The following OTUD4 variants were observed in gnomAD, a reference collection of about 807,000 sequenced individuals.
The protein encoded by OTUD4 is OTU domain-containing protein 4.
Under a neutral mutation model 130.4 loss-of-function variants are expected in OTUD4, and 24 were observed. That is an observed-to-expected ratio of 0.18 (90% CI 0.13 to 0.26). The LOEUF (loss-of-function observed/expected upper bound fraction) is 0.26. Ranked by LOEUF, OTUD4 falls within the 10% of genes least tolerant of loss-of-function variation. The pLI is 1.00. For missense variants in OTUD4, 1,031 were observed against 1,329.4 expected, an observed-to-expected ratio of 0.78 and a Z score of 3.49; for synonymous variants, 420 against 472.5, an observed-to-expected ratio of 0.89 and a Z score of 1.44.
chr4:145,137,127 T>C lies in OTUD4; in HGVS notation c.*303A>G. 1 of 236,776 alleles carries C rather than the reference T, an allele frequency of 4.2e-6. No individual in the cohort carries two copies. The highest frequency in any genetic ancestry group is 8.2e-6 in the Non-Finnish European group (1 of 122,622). The allele number at this position is 236,776 out of a possible 1,614,324, so 14.7% of individuals were successfully genotyped here. A position where few individuals can be genotyped will look rare whatever the true frequency, so the allele number is the denominator to read the frequency against. On this transcript the variant is annotated 3_prime_UTR_variant, in exon 21 of 21. Transcript: ENST00000447906. The stretch of plus-strand genomic sequence containing the variant: ...AAGGAAAAAAGCCAAACACTAAATC[T>C]ATAATGTTTTATATTAAGCTGTTTA...
chr4:145,144,443 T>G lies in OTUD4; in HGVS notation c.1423-9A>C. On this transcript the variant is annotated splice_polypyrimidine_tract_variant and intron_variant, in intron 14 of 20. Coordinates refer to ENST00000447906, the MANE Select transcript of OTUD4 (RefSeq NM_001366057.1). ...TGATTGACTGATGAGCTCTTTAAAA[T>G]GAACAAAACCCAACATTTTGTGTTA... is the stretch of plus-strand genomic sequence containing the variant. 4 of 1,606,384 alleles carry G rather than the reference T, an allele frequency of 2.5e-6. No homozygotes were observed. The highest frequency in any genetic ancestry group is 3.4e-6 in the Non-Finnish European group (4 of 1,177,190).
intron 19 of OTUD4, 24 bp downstream of exon 19, chr4:145,141,355 T>G: frequency 6.4e-7 from 1 of 1,555,994 alleles, no homozygotes; most frequent in Non-Finnish European, 8.7e-7. Context: ...ATAAAGTCGA[T>G]TTGAACTTGG....
chr4:145,176,550 T>A (rs1752436290), intron 1 of OTUD4, among the ~76,000 whole-genome samples: 1 of 148,136 alleles, frequency 6.8e-6, no homozygotes, highest in Non-Finnish European at 1.5e-5. Flanking sequence ...AAAAAAAAAA[T>A]TAGCCAGGTG....
intron 3 of OTUD4, 121 bp downstream of exon 3, chr4:145,171,549 T>C (rs1354609791): frequency 8.7e-6 from 5 of 575,736 alleles, no homozygotes; most frequent in Admixed American, 6.4e-5. Context: ...TATAAGGAAA[T>C]AGGATACACC....
intron 3 of OTUD4, 25 bp from the exon 4 acceptor site, chr4:145,165,222 ATG>A (rs1751787297): frequency 6.4e-7 from 1 of 1,570,654 alleles, no homozygotes; most frequent in Non-Finnish European, 8.7e-7. Context: ...AAAAGGTGGC[ATG>A]TAAGTGTCTC....
intron 14 of OTUD4, among the ~76,000 whole-genome samples, chr4:145,145,686 A>G (rs543260016): frequency 6.6e-6 from 1 of 152,288 alleles, no homozygotes; most frequent in African/African-American, 2.4e-5. Flanking sequence ...GCTGCCAACA[A>G]ACCCACCTCA....
intron 13 of OTUD4, among the ~76,000 whole-genome samples, chr4:145,148,878 CAG>C (rs1750938766): frequency 6.6e-6 from 1 of 152,082 alleles, no homozygotes; most frequent in African/African-American, 2.4e-5. Flanking sequence ...AAGCTACCAC[CAG>C]GGGCTACTGG....
At chr4:145,172,460 T>C (rs1752217716) in intron 2 of OTUD4, among the ~76,000 whole-genome samples, 1 of 152,236 alleles carries the variant, frequency 6.6e-6, no homozygotes, top group Non-Finnish European at 1.5e-5. Context: ...CATCGCTTCA[T>C]TGTTACTTTG....
At chr4:145,140,391 G>A (rs1398630396) in intron 19 of OTUD4, among the ~76,000 whole-genome samples, 3 of 152,254 alleles carry the variant, frequency 2.0e-5, no homozygotes, top group South Asian at 2.1e-4. Flanking sequence ...ATCATTTGCA[G>A]GATAATATTC....
Position 145,155,552 on chromosome 4 carries a change from G to A in OTUD4, c.808+17C>T, listed in dbSNP as rs1170335216. ...GCTACAAAGCAAATTTATGGAAAAT[G>A]CAGATTTTTAACTCACCTTGTTTAG... On this transcript the variant is annotated intron_variant, in intron 9 of 20. Transcript: ENST00000447906. The A allele has an allele frequency of 1.3e-6, 2 of 1,598,834 alleles. No homozygotes were observed. Among genetic ancestry groups the A allele is most frequent in the Non-Finnish European group, 1.7e-6 (2 of 1,170,026 alleles).
chr4:145,168,797 G>A (rs1752003955), intron 3 of OTUD4, among the ~76,000 whole-genome samples: 2 of 152,142 alleles, frequency 1.3e-5, no homozygotes, highest in Admixed American at 6.6e-5. Flanking sequence ...TTGCTCTAAG[G>A]TATTAATCCA....
chr4:145,165,267 C>T (rs558548448), intron 3 of OTUD4, 70 bp from the exon 4 acceptor site: 246 of 887,868 alleles, frequency 2.8e-4, no homozygotes, highest in Non-Finnish European at 4.4e-4. Context: ...TATTTCTATA[C>T]ATACCTTCAT....
intron 7 of OTUD4, among the ~76,000 whole-genome samples, chr4:145,156,992 G>A (rs771546302): frequency 8.5e-5 from 13 of 152,104 alleles, no homozygotes; most frequent in African/African-American, 2.7e-4. Context: ...CACAGGGCCC[G>A]TGGTAGGACT....
Position 145,138,153 on chromosome 4 carries a change from T to C in OTUD4, c.2622A>G (p.Pro874=), listed in dbSNP as rs774418727. The change falls in exon 21 of 21, where the codon CCA becomes CCG. Residue 874 remains proline, a synonymous_variant. Transcript: ENST00000447906. ...GYPFQGFIEN[P]VMRQNIVLPS... ...GCAGGACAATATTCTGCCTCATTAC[T>C]GGATTTTCTATGAATCCCTGAAAAG... 1 of 1,614,012 alleles carries C rather than the reference T, an allele frequency of 6.2e-7. No individual in the cohort carries two copies. The highest frequency in any genetic ancestry group is 8.5e-7 in the Non-Finnish European group (1 of 1,179,866).
At chr4:145,173,187 C>A (rs1048382924) in intron 2 of OTUD4, among the ~76,000 whole-genome samples, 3 of 152,088 alleles carry the variant, frequency 2.0e-5, no homozygotes, top group Non-Finnish European at 4.4e-5. Context: ...GTCAGGAGAT[C>A]GAGACCATCC....
At chr4:145,150,735 A>G (rs1751030489) in intron 12 of OTUD4, 36 bp from the exon 13 acceptor site, 2 of 1,607,220 alleles carry the variant, frequency 1.2e-6, no homozygotes, top group Non-Finnish European at 8.5e-7. Flanking sequence ...GATAATATTC[A>G]TATTATAAAC....
chr4:145,168,992 T>C lies in OTUD4; in HGVS notation c.294+2678A>G, dbSNP rs139695764. 1.5e-3 allele frequency among the ~76,000 whole-genome samples: 230 copies of C among 152,372 alleles called. 1 individual carries two copies. The highest frequency in any genetic ancestry group is 5.1e-3 in the African/African-American group (213 of 41,588). On this transcript the variant is annotated intron_variant, in intron 3 of 20. Transcript: ENST00000447906. ...TAAAAAGGAACTACTGCTAAACGCA[T>C]GAATGAATTTTAGTATTTCCAATAG...
At chr4:145,166,308 T>A (rs945143169) in intron 3 of OTUD4, among the ~76,000 whole-genome samples, 3 of 152,036 alleles carry the variant, frequency 2.0e-5, no homozygotes, top group African/African-American at 7.2e-5. Flanking sequence ...CAAGAGAAAT[T>A]CTACACTCCT....
rs1448528646 is a variant in OTUD4, at chr4:145,134,356, GACAAA to G, written c.*3069_*3073del. On this transcript the variant is annotated 3_prime_UTR_variant, in exon 21 of 21. Coordinates refer to ENST00000447906, the MANE Select transcript of OTUD4 (RefSeq NM_001366057.1). ...CCTTGCTTAGTACCCTTAAGTAAAAGACAAAACATTTACCTCATCTAAAAATGAAG... is the reference window on the plus strand; with the variant it reads ...CCTTGCTTAGTACCCTTAAGTAAAAGACATTTACCTCATCTAAAAATGAAG... The G allele has an allele frequency of 4.9e-6, 1 of 202,476 alleles. No homozygotes were observed. Among genetic ancestry groups the G allele is most frequent in the East Asian group, 1.1e-4 (1 of 9,492 alleles). The allele number at this position is 202,476 out of a possible 1,614,324, so 12.5% of individuals were successfully genotyped here.
Sources: allele counts gnomAD v4.1 joint callset (sites outside exome capture counted in the v4.1 genomes callset), GRCh38; gene constraint gnomAD v4.1.1; transcripts MANE v1.5; gene names NCBI Gene and HGNC (gene_info 2026-07-23, HGNC 2026-07-21).